The following SMCHD1 variants were observed in gnomAD, a reference collection of about 807,000 sequenced individuals.
The protein encoded by SMCHD1 is structural maintenance of chromosomes flexible hinge domain-containing protein 1.
In SMCHD1, 78 loss-of-function variants were observed where a neutral mutation model predicts 254.7. The observed-to-expected ratio is 0.31, with a 90% CI of 0.26 to 0.37. The LOEUF is 0.37. SMCHD1 is among the 10% of genes least tolerant of loss of function. SMCHD1 has a pLI of 1.00. For synonymous variants in SMCHD1, 766 were observed against 794.9 expected, an observed-to-expected ratio of 0.96 and a Z score of 0.61; for missense variants, 1,840 against 2,408.1, an observed-to-expected ratio of 0.76 and a Z score of 4.94.
At chr18:2,711,265 T>A (rs78107873) in intron 17 of SMCHD1, among the ~76,000 whole-genome samples, 1 of 60,296 alleles carries the variant, frequency 1.7e-5, no homozygotes. Flanking sequence ...CATGGCTCCC[T>A]TTTTTTTTTT....
rs547534862 is a variant in SMCHD1 at position 2,739,501 on chromosome 18, A to G, written c.3495A>G (p.Gln1165=). 4 of 1,613,224 alleles carry G rather than the reference A, an allele frequency of 2.5e-6. No homozygotes were observed. The highest frequency in any genetic ancestry group is 1.1e-5 in the South Asian group (1 of 91,058). ...GAGGAAAAACAGTACAGATGGGCCA[A>G]GAGCTTCAAGGAGAAGTAGGTTAGT... The part of the protein sequence containing the change: ...MKGGKTVQMG[Q]ELQGEVVIII... Residue 1165 remains glutamine (Q), a synonymous_variant, in exon 27 of 48, where the codon CAA becomes CAG. Coordinates refer to ENST00000320876, the MANE Select transcript of SMCHD1 (RefSeq NM_015295.3).
At chr18:2,734,502 C>T (rs1307794800) in intron 25 of SMCHD1, among the ~76,000 whole-genome samples, 2 of 152,100 alleles carry the variant, frequency 1.3e-5, no homozygotes, top group African/African-American at 4.8e-5. Flanking sequence ...ACAGCCTTTA[C>T]AGTGGTTTTG....
intron 34 of SMCHD1, among the ~76,000 whole-genome samples, chr18:2,756,203 A>G (rs1416291782): frequency 2.6e-5 from 4 of 152,178 alleles, no homozygotes; most frequent in Non-Finnish European, 5.9e-5. Flanking sequence ...CAACCTTGCA[A>G]TTACTGGAAT....
At chr18:2,771,645 A>G in intron 40 of SMCHD1, 27 bp downstream of exon 40, 1 of 1,426,308 alleles carries the variant, frequency 7.0e-7, no homozygotes, top group Non-Finnish European at 9.4e-7. Flanking sequence ...TACGTGAAAG[A>G]TTTTTTATTA....
At chr18:2,786,387 T>G (rs1171603221) in intron 45 of SMCHD1, among the ~76,000 whole-genome samples, 1 of 152,162 alleles carries the variant, frequency 6.6e-6, no homozygotes, top group African/African-American at 2.4e-5. Context: ...AACACTGCAC[T>G]TATATTAAAA....
intron 31 of SMCHD1, 83 bp from the exon 32 acceptor site, chr18:2,750,267 G>A (rs1470018349): frequency 6.9e-7 from 1 of 1,459,396 alleles, no homozygotes; most frequent in Non-Finnish European, 9.3e-7. Flanking sequence ...TTTTCTAAGA[G>A]TTGAACTTTG....
intron 30 of SMCHD1, among the ~76,000 whole-genome samples, chr18:2,748,660 G>C (rs111802906): frequency 8.7e-4 from 132 of 152,120 alleles, no homozygotes; most frequent in African/African-American, 3.1e-3. Context: ...CTCCCAAAGT[G>C]CTGGGATTAC....
intron 1 of SMCHD1, among the ~76,000 whole-genome samples, chr18:2,662,239 T>A (rs1262385566): frequency 6.7e-6 from 1 of 150,054 alleles, no homozygotes; most frequent in Non-Finnish European, 1.5e-5. Context: ...AATAATAGAC[T>A]TATGTGGGAT....
intron 45 of SMCHD1, among the ~76,000 whole-genome samples, chr18:2,789,510 G>A (rs2076286800): frequency 1.9e-4 from 1 of 5,222 alleles, no homozygotes; most frequent in South Asian, 0.036. Flanking sequence ...AAGTGAGAGA[G>A]TAGACCTGTT....
chr18:2,712,231 C>CTTTT (rs35669047), intron 17 of SMCHD1, among the ~76,000 whole-genome samples: 8 of 142,140 alleles, frequency 5.6e-5, no homozygotes, highest in Non-Finnish European at 9.2e-5. Flanking sequence ...TTTCTTTTTC[C>CTTTT]TTTTTTTTTT....
At chr18:2,745,169 C>G (rs2075427660) in intron 29 of SMCHD1, among the ~76,000 whole-genome samples, 1 of 63,876 alleles carries the variant, frequency 1.6e-5, no homozygotes, top group Non-Finnish European at 3.5e-5. Flanking sequence ...GATGTGATAG[C>G]TAACTTTGAA....
Position 2,804,594 on chromosome 18 carries a change from A to AAATT in SMCHD1, c.*2045_*2048dup, listed in dbSNP as rs2076415214. On this transcript the variant is annotated 3_prime_UTR_variant, in exon 48 of 48. Transcript: ENST00000320876. ...TTTGTGGAGTTTTTCTACCCTGTAA[A>AAATT]AATTAACTTTGTGGTTCCCAGTAAT... is the stretch of plus-strand genomic sequence containing the variant. 6.6e-6 allele frequency: 1 copy of AAATT among 152,202 alleles called. No homozygotes were observed. The allele number at this position is 152,202 out of a possible 1,614,324, so 9.4% of individuals were successfully genotyped here. A position where few individuals can be genotyped will look rare whatever the true frequency, so the allele number is the denominator to read the frequency against.
chr18:2,755,547 TTTTCTTTTTCTTTC>T (rs2075656810), intron 34 of SMCHD1, among the ~76,000 whole-genome samples: 2 of 144,642 alleles, frequency 1.4e-5, no homozygotes, highest in African/African-American at 2.5e-5. Context: ...TTTTTGTGTA[TTTTCTTTTTCTTTC>T]TTTCTTTTTT....
At chr18:2,697,263 A>G in intron 9 of SMCHD1, 141 bp downstream of exon 9, 1 of 503,268 alleles carries the variant, frequency 2.0e-6, no homozygotes. Flanking sequence ...TCATTGTTTG[A>G]TATCCAACTA....
chr18:2,725,884 G>A (rs747485821), intron 21 of SMCHD1, among the ~76,000 whole-genome samples: 6 of 151,868 alleles, frequency 4.0e-5, no homozygotes, highest in South Asian at 2.1e-4. Flanking sequence ...AAAGGAGTTC[G>A]AAGATAGTAT....
intron 47 of SMCHD1, among the ~76,000 whole-genome samples, chr18:2,797,915 C>T (rs946816192): frequency 1.3e-5 from 2 of 150,456 alleles, no homozygotes; most frequent in Admixed American, 6.6e-5. Context: ...ATAACTCCGT[C>T]TCAAAAAAAA....
intron 10 of SMCHD1, among the ~76,000 whole-genome samples, chr18:2,700,113 G>A (rs193062395): frequency 1.3e-5 from 2 of 152,122 alleles, no homozygotes; most frequent in African/African-American, 2.4e-5. Flanking sequence ...TTCAAACTAG[G>A]TAAACTCGCT....
In SMCHD1 at chr18:2,784,622, G is replaced by T; in HGVS notation, c.5719+1G>T. ...TGTCTGATCTTAGGGGAACAAATAG[G>T]TAAGTTGAATAAGTACTTAAATAGC... On this transcript the variant is annotated splice_donor_variant, in intron 45 of 47. Coordinates refer to ENST00000320876, the MANE Select transcript of SMCHD1 (RefSeq NM_015295.3). LOFTEE classifies it high-confidence loss of function. 1 of 1,571,412 alleles carries T rather than the reference G, an allele frequency of 6.4e-7. No homozygotes were observed. The highest frequency in any genetic ancestry group is 8.6e-7 in the Non-Finnish European group (1 of 1,164,496).
chr18:2,753,404 A>G (rs1210617896), intron 34 of SMCHD1, among the ~76,000 whole-genome samples: 1 of 152,194 alleles, frequency 6.6e-6, no homozygotes, highest in Non-Finnish European at 1.5e-5. Flanking sequence ...TTGGGCTATT[A>G]CAAATAATCT....
Sources: gnomAD v4.1 joint callset for allele counts (sites outside exome capture counted in the v4.1 genomes callset) on GRCh38, gnomAD v4.1.1 for gene constraint, MANE v1.5 for transcripts, NCBI Gene and HGNC (gene_info 2026-07-23, HGNC 2026-07-21) for gene names.